Variants in INO80C observed in about 807,000 individuals in gnomAD.
The protein encoded by INO80C is INO80 complex subunit C, also known as IES6 homolog.
In INO80C, 17 loss-of-function variants were observed where a neutral mutation model predicts 17.7. That is an observed-to-expected ratio of 0.96 (90% CI 0.66 to 1.44). The LOEUF is 1.44. Among genes scored for constraint, INO80C ranks in the 40% most tolerant of loss-of-function variants. The pLI is 0.00. For missense variants in INO80C, 244 were observed against 245.0 expected (o/e 1.00, Z 0.03); for synonymous variants, 96 against 95.8 (o/e 1.00, Z -0.01).
chr18:35,481,096 C>T (rs1284956766), intron 1 of INO80C, among the ~76,000 whole-genome samples: 1 of 152,110 alleles, frequency 6.6e-6, no homozygotes, highest in Non-Finnish European at 1.5e-5. Flanking sequence ...GTCTAGTTGG[C>T]CAGAGAACCC....
At chr18:35,469,733 C>A (rs1303233704) in intron 4 of INO80C, among the ~76,000 whole-genome samples, 1 of 152,180 alleles carries the variant, frequency 6.6e-6, no homozygotes, top group Non-Finnish European at 1.5e-5. Context: ...ATGGTCTAGG[C>A]TATGAGGGTC....
rs2045791824 is a variant in INO80C, at chr18:35,480,333, G to A, written c.267+120C>T. 6.9e-6 allele frequency: 5 copies of A among 719,468 alleles called. No individual in the cohort carries two copies. In the East Asian group the frequency reaches 1.2e-4, roughly 18 times the overall value. The allele number at this position is 719,468 out of a possible 1,614,324, so 44.6% of individuals were successfully genotyped here. Reference sequence around the variant, plus strand: ...CCCCATCTTGCCCATAGGGGAGAAGGAGGTAACTGAGACTGAGGGAGGAGA... The same window carrying A: ...CCCCATCTTGCCCATAGGGGAGAAGAAGGTAACTGAGACTGAGGGAGGAGA... On this transcript the variant is annotated intron_variant, in intron 2 of 4. Coordinates refer to ENST00000334598, the MANE Select transcript of INO80C (RefSeq NM_194281.4).
intron 1 of INO80C, 28 bp downstream of exon 1, chr18:35,497,691 C>G: frequency 6.2e-7 from 1 of 1,600,870 alleles, no homozygotes; most frequent in Non-Finnish European, 8.5e-7. Context: ...GCGACGCGCA[C>G]GCGCAGCCTG....
In INO80C at chr18:35,468,659, G is replaced by A. The variant is rs747167097; in HGVS notation, c.531C>T (p.Val177=). 8.1e-6 allele frequency: 13 copies of A among 1,613,936 alleles called. No homozygotes were observed. Among genetic ancestry groups the A allele is most frequent in the Middle Eastern group, 1.6e-4 (1 of 6,084 alleles). ...FSYIRRLPSD[V]VTGYLALRKA... ...TCCTCAGGGCCAGGTAGCCGGTGAC[G>A]ACGTCAGAGGGCAGCCTCCGAATGT... Residue 177 remains valine, a synonymous_variant, in exon 5 of 5, where the codon GTC becomes GTT. Transcript: ENST00000334598.
intron 1 of INO80C, among the ~76,000 whole-genome samples, chr18:35,489,568 A>C (rs907148189): frequency 1.3e-5 from 2 of 152,196 alleles, no homozygotes. Context: ...TGGGAGCTAC[A>C]ATTCAAGATG....
At chr18:35,481,481 A>G (rs904426401) in intron 1 of INO80C, among the ~76,000 whole-genome samples, 1 of 152,226 alleles carries the variant, frequency 6.6e-6, no homozygotes, top group African/African-American at 2.4e-5. Flanking sequence ...CCCAACGGCA[A>G]CCGCTGTTCT....
At chr18:35,468,838 G>T in intron 4 of INO80C, 96 bp from the exon 5 acceptor site, 1 of 1,122,734 alleles carries the variant, frequency 8.9e-7, no homozygotes, top group Non-Finnish European at 1.3e-6. Context: ...CACTGAAAGT[G>T]ATATATATTT....
At chr18:35,470,651 GC>G (rs1475256141) in intron 4 of INO80C, among the ~76,000 whole-genome samples, 1 of 152,156 alleles carries the variant, frequency 6.6e-6, no homozygotes, top group Non-Finnish European at 1.5e-5. Flanking sequence ...GAGCCGGCCC[GC>G]CCAAGTTCAG....
chr18:35,485,245 G>A (rs2045859497), intron 1 of INO80C, among the ~76,000 whole-genome samples: 1 of 152,032 alleles, frequency 6.6e-6, no homozygotes, highest in Admixed American at 6.5e-5. Flanking sequence ...AAAATGATAG[G>A]GGCAAACTAA....
intron 3 of INO80C, 25 bp from the exon 4 acceptor site, chr18:35,478,374 A>G (rs2045763352): frequency 2.8e-6 from 4 of 1,438,142 alleles, no homozygotes; most frequent in Non-Finnish European, 3.8e-6. Flanking sequence ...AAAAAAAGAT[A>G]ACTAAACTGA....
In INO80C at chr18:35,497,398, A is replaced by C. The variant is rs76110714; in HGVS notation, c.156+321T>G. 3,697 of 1,100,800 alleles carry C rather than the reference A, an allele frequency of 3.4e-3. 111 individuals carry two copies. In the African/African-American group the frequency reaches 0.057, roughly 17 times the overall value. 68.2% of individuals were successfully genotyped at this position (1,100,800 alleles called of 1,614,324 possible). A position where few individuals can be genotyped will look rare whatever the true frequency, so the allele number is the denominator to read the frequency against. On this transcript the variant is annotated intron_variant, in intron 1 of 4. Coordinates refer to ENST00000334598, the MANE Select transcript of INO80C (RefSeq NM_194281.4). The stretch of plus-strand genomic sequence containing the variant: ...AGAATGGACGAGGGGAAGACACGCA[A>C]ATTTCTGAATGACTGACACTCATTA...
chr18:35,497,883 G>A lies in INO80C; in HGVS notation c.-9C>T, dbSNP rs558797368. The A allele has an allele frequency of 1.9e-6, 3 of 1,553,500 alleles. No individual in the cohort carries two copies. In the South Asian group the frequency reaches 3.5e-5, roughly 18 times the overall value. ...GGAATTTGCGCCGCCATCGCACTCC[G>A]AGTCTTCCCCTGGTCCCCCCACCTT... On this transcript the variant is annotated 5_prime_UTR_variant, in exon 1 of 5. Transcript: ENST00000334598.
chr18:35,495,093 G>T (rs995076387), intron 1 of INO80C, among the ~76,000 whole-genome samples: 2 of 152,160 alleles, frequency 1.3e-5, no homozygotes, highest in Non-Finnish European at 2.9e-5. Context: ...TTTCCTATAC[G>T]CTGTGAAAAG....
intron 1 of INO80C, among the ~76,000 whole-genome samples, chr18:35,481,744 C>T (rs2045811085): frequency 6.6e-6 from 1 of 152,114 alleles, no homozygotes; most frequent in Admixed American, 6.5e-5. Flanking sequence ...ATTAGCCACG[C>T]ATGGTGATGT....
chr18:35,496,041 T>C (rs1045125921), intron 1 of INO80C, among the ~76,000 whole-genome samples: 4 of 152,218 alleles, frequency 2.6e-5, no homozygotes, highest in Admixed American at 2.0e-4. Flanking sequence ...TTCGAGCAAC[T>C]GGCACTCTCA....
intron 1 of INO80C, among the ~76,000 whole-genome samples, chr18:35,484,593 C>T (rs2144065087): frequency 6.6e-6 from 1 of 152,280 alleles, no homozygotes; most frequent in East Asian, 1.9e-4. Context: ...TACAATATAA[C>T]AACTATTTAC....
intron 1 of INO80C, among the ~76,000 whole-genome samples, chr18:35,482,880 C>T (rs1567984122): frequency 6.6e-6 from 1 of 152,206 alleles, no homozygotes; most frequent in Non-Finnish European, 1.5e-5. Context: ...CGATTCTCTA[C>T]AGCTCAGCCA....
intron 1 of INO80C, among the ~76,000 whole-genome samples, chr18:35,484,619 C>T (rs1001677089): frequency 6.6e-6 from 1 of 152,214 alleles, no homozygotes; most frequent in Admixed American, 6.5e-5. Context: ...ATTTACATTG[C>T]ATTACCTATT....
chr18:35,497,892 C>T lies in INO80C; in HGVS notation c.-18G>A, dbSNP rs757446845. 2.6e-6 allele frequency: 4 copies of T among 1,526,302 alleles called. No individual in the cohort carries two copies. The highest frequency in any genetic ancestry group is 4.2e-5 in the Admixed American group (2 of 47,634). 94.5% of individuals were successfully genotyped at this position (1,526,302 alleles called of 1,614,324 possible). On this transcript the variant is annotated 5_prime_UTR_variant, in exon 1 of 5. Coordinates refer to ENST00000334598, the MANE Select transcript of INO80C (RefSeq NM_194281.4). ...GCCGCCATCGCACTCCGAGTCTTCC[C>T]CTGGTCCCCCCACCTTTTTCCCAGC... is the stretch of plus-strand genomic sequence containing the variant.
Sources: gnomAD v4.1 joint callset for allele counts (sites outside exome capture counted in the v4.1 genomes callset) on GRCh38, gnomAD v4.1.1 for gene constraint, MANE v1.5 for transcripts, NCBI Gene and HGNC (gene_info 2026-07-23, HGNC 2026-07-21) for gene names.